Variants in NUP210L observed in about 807,000 individuals in gnomAD.
NUP210L encodes nucleoporin 210 like, also known as nuclear pore membrane glycoprotein 210-like.
NUP210L carries 74 observed loss-of-function variants against 208.5 expected under a neutral mutation model. The observed-to-expected ratio is 0.35, with a 90% CI of 0.29 to 0.43. The LOEUF (loss-of-function observed/expected upper bound fraction) is 0.43, where lower values mean the gene tolerates loss of function less well. Ranked by LOEUF, NUP210L falls within the 20% of genes least tolerant of loss-of-function variation. The pLI is 1.00. For missense variants in NUP210L, 1,843 were observed against 2,289.4 expected (o/e 0.81, Z 3.98); for synonymous variants, 780 against 816.9 (o/e 0.95, Z 0.77).
At chr1:154,083,644 C>T (rs575699068) in intron 16 of NUP210L, among the ~76,000 whole-genome samples, 2 of 152,070 alleles carry the variant, frequency 1.3e-5, no homozygotes, top group African/African-American at 4.8e-5. Context: ...GGGGAAAAAA[C>T]CCATACGTTT....
intron 15 of NUP210L, among the ~76,000 whole-genome samples, chr1:154,090,865 A>G (rs1418581041): frequency 6.6e-6 from 1 of 151,660 alleles, no homozygotes; most frequent in Non-Finnish European, 1.5e-5. Flanking sequence ...GGTTCTGGAG[A>G]AATGGGAACC....
At position 154,036,191 on chromosome 1, in the gene NUP210L, C is replaced by T. The variant is rs540904859; in HGVS notation, c.3697-6137G>A. Among the ~76,000 whole-genome samples the T allele has an allele frequency of 2.6e-5, 4 of 151,894 alleles. No individual in the cohort carries two copies. In the East Asian group the frequency reaches 5.8e-4, roughly 22 times the overall value. On this transcript the variant is annotated intron_variant, in intron 27 of 39. Transcript: ENST00000368559. ...AATTACCCTGTGTTTGTATAGTTTC[C>T]AAAATTCCTCGTTACTAATTTCTAG... is the stretch of plus-strand genomic sequence containing the variant.
At chr1:154,155,040 G>C in exon 1 of NUP210L, 1 of 1,603,720 alleles carries the variant, frequency 6.2e-7, no homozygotes, top group East Asian at 2.3e-5. Context: ...CGGACAGCCA[G>C]TCATGGCGAC....
At chr1:154,025,090 A>G (rs1571183077) in intron 30 of NUP210L, among the ~76,000 whole-genome samples, 1 of 151,104 alleles carries the variant, frequency 6.6e-6, no homozygotes, top group Admixed American at 6.6e-5. Flanking sequence ...CACCTCGCCC[A>G]GCTAATTTTT....
intron 27 of NUP210L, among the ~76,000 whole-genome samples, chr1:154,030,498 A>G (rs1335316451): frequency 6.6e-6 from 1 of 151,978 alleles, no homozygotes; most frequent in Non-Finnish European, 1.5e-5. Flanking sequence ...GGGTTTCGCC[A>G]TGTTGCTCAG....
At chr1:154,000,416 T>A (rs1470082876) in intron 37 of NUP210L, among the ~76,000 whole-genome samples, 1 of 152,200 alleles carries the variant, frequency 6.6e-6, no homozygotes, top group Non-Finnish European at 1.5e-5. Flanking sequence ...ACTTTTTCAC[T>A]TAAAGGAAGC....
chr1:154,075,776 G>C lies in NUP210L; in HGVS notation c.2362-5311C>G, dbSNP rs971317158. On this transcript the variant is annotated intron_variant, in intron 16 of 39. Coordinates refer to ENST00000368559, the Ensembl canonical transcript of NUP210L. Reference sequence around the variant, plus strand: ...GAATGCCCAGACATTGAGCTTACAAGGCAAATACTTCTTTTTTTTTTTTCC... The same window carrying C: ...GAATGCCCAGACATTGAGCTTACAACGCAAATACTTCTTTTTTTTTTTTCC... Among the ~76,000 whole-genome samples the C allele has an allele frequency of 2.0e-5, 3 of 152,000 alleles. No homozygotes were observed. The South Asian group carries it at 6.2e-4, about 32-fold the overall frequency.
chr1:154,035,897 C>T (rs1418124146), intron 27 of NUP210L, among the ~76,000 whole-genome samples: 2 of 151,800 alleles, frequency 1.3e-5, no homozygotes, highest in Non-Finnish European at 2.9e-5. Context: ...CCGCGCCTGG[C>T]TAATTTTTTG....
At chr1:154,001,278 A>G (rs1293085815) in intron 36 of NUP210L, among the ~76,000 whole-genome samples, 3 of 151,724 alleles carry the variant, frequency 2.0e-5, no homozygotes, top group Non-Finnish European at 4.4e-5. Context: ...GCTCCCTGCA[A>G]CCTCTGCCTC....
intron 12 of NUP210L, among the ~76,000 whole-genome samples, chr1:154,113,645 G>A (rs1459293416): frequency 6.6e-6 from 1 of 150,956 alleles, no homozygotes; most frequent in African/African-American, 2.4e-5. Flanking sequence ...AGATCACAAG[G>A]TCAGGAATTC....
At chr1:154,029,582 C>T (rs949505766) in intron 28 of NUP210L, among the ~76,000 whole-genome samples, 8 of 150,838 alleles carry the variant, frequency 5.3e-5, no homozygotes, top group African/African-American at 1.5e-4. Flanking sequence ...ACATGCTACT[C>T]GGGAGGCTGA....
intron 37 of NUP210L, among the ~76,000 whole-genome samples, chr1:154,000,215 T>G (rs1221349556): frequency 6.6e-6 from 1 of 152,174 alleles, no homozygotes; most frequent in African/African-American, 2.4e-5. Context: ...TTTGGGTAGG[T>G]TTGGAAGATT....
chr1:153,993,900 A>G (rs550828570), intron 38 of NUP210L, among the ~76,000 whole-genome samples: 1 of 152,246 alleles, frequency 6.6e-6, no homozygotes, highest in South Asian at 2.1e-4. Flanking sequence ...CATCTCAAAA[A>G]AATTTTTTTT....
At chr1:153,993,051 C>G (rs755723326) in exon 39 of NUP210L, 1 of 1,613,658 alleles carries the variant, frequency 6.2e-7, no homozygotes, top group Non-Finnish European at 8.5e-7. Context: ...ACATACACAA[C>G]TGGAACTGTT....
chr1:154,037,729 C>T (rs1419745250), intron 27 of NUP210L, among the ~76,000 whole-genome samples: 1 of 151,880 alleles, frequency 6.6e-6, no homozygotes, highest in Non-Finnish European at 1.5e-5. Flanking sequence ...AGTGCAGTGG[C>T]GTGATCTCAG....
rs559273781 is a variant in NUP210L at position 154,074,145 on chromosome 1, G to A, written c.2362-3680C>T. Among the ~76,000 whole-genome samples, 166 of 152,076 alleles carry A rather than the reference G, an allele frequency of 1.1e-3. 1 individual carries two copies. Among genetic ancestry groups the A allele is most frequent in the African/African-American group, 3.9e-3 (160 of 41,500 alleles). ...TCTGCTGAAGGTGGTGACTGCCACT[G>A]GAGATCTCTCCAGTATAAAGGTATG... is the stretch of plus-strand genomic sequence containing the variant. On this transcript the variant is annotated intron_variant, in intron 16 of 39. Transcript: ENST00000368559.
chr1:154,066,435 C>T (rs1441599895), intron 17 of NUP210L, among the ~76,000 whole-genome samples: 3 of 152,106 alleles, frequency 2.0e-5, no homozygotes, highest in Non-Finnish European at 4.4e-5. Context: ...CACGGTGAAA[C>T]CCTGTCTCTA....
intron 7 of NUP210L, among the ~76,000 whole-genome samples, chr1:154,131,271 CA>C (rs71584177): frequency 7.7e-4 from 92 of 119,842 alleles, no homozygotes; most frequent in African/African-American, 8.8e-4. Context: ...GACTCCATCT[CA>C]AAAAAAAAAA....
At chr1:154,129,690 C>T (rs1346335389) in intron 7 of NUP210L, among the ~76,000 whole-genome samples, 1 of 152,206 alleles carries the variant, frequency 6.6e-6, no homozygotes, top group Non-Finnish European at 1.5e-5. Context: ...GACGAAGTGG[C>T]TCCATTCTGG....
Sources: allele counts gnomAD v4.1 joint callset (sites outside exome capture counted in the v4.1 genomes callset), GRCh38; gene constraint gnomAD v4.1.1; transcripts MANE v1.5; gene names NCBI Gene and HGNC (gene_info 2026-07-23, HGNC 2026-07-21).